VSTM2B: variants seen among roughly 807,000 people sequenced by gnomAD.
VSTM2B encodes the protein V-set and transmembrane domain-containing protein 2B.
In VSTM2B, 24 loss-of-function variants were observed where a neutral mutation model predicts 24.0. The observed-to-expected ratio is 1.00, with a 90% CI of 0.72 to 1.40. The LOEUF (loss-of-function observed/expected upper bound fraction) is 1.40, where lower values mean the gene tolerates loss of function less well. Among genes scored for constraint, VSTM2B ranks in the 40% most tolerant of loss-of-function variants. The pLI is 0.00. For synonymous variants in VSTM2B, 226 were observed against 194.4 expected (o/e 1.16, Z -1.35); for missense variants, 399 against 416.4 (o/e 0.96, Z 0.36).
At chr19:29,527,186 C>T (rs1182164113) in intron 1 of VSTM2B, 25 bp from the exon 2 acceptor site, 5 of 1,516,452 alleles carry the variant, frequency 3.3e-6, no homozygotes, top group Non-Finnish European at 4.5e-6. Flanking sequence ...GCTGGTCACG[C>T]CTCTCTCTCT....
chr19:29,544,112 T>A (rs1169093618), intron 4 of VSTM2B, among the ~76,000 whole-genome samples: 2 of 149,296 alleles, frequency 1.3e-5, no homozygotes, highest in Non-Finnish European at 3.0e-5. Context: ...TGTATATATA[T>A]ACCTATATAT....
intron 4 of VSTM2B, among the ~76,000 whole-genome samples, chr19:29,550,829 G>GA (rs74786680): frequency 0.052 from 7,282 of 140,050 alleles, 286 homozygotes; most frequent in African/African-American, 0.1. Context: ...TCTCAAACCT[G>GA]AAAAAAAAAA....
At chr19:29,539,707 G>T (rs1969979950) in intron 4 of VSTM2B, among the ~76,000 whole-genome samples, 1 of 152,248 alleles carries the variant, frequency 6.6e-6, no homozygotes, top group South Asian at 2.1e-4. Context: ...GGCTCACTGT[G>T]CCCAGAGATT....
At chr19:29,548,693 G>T (rs867361588) in intron 4 of VSTM2B, among the ~76,000 whole-genome samples, 10 of 152,188 alleles carry the variant, frequency 6.6e-5, no homozygotes, top group South Asian at 2.1e-4. Flanking sequence ...TGCTCCCAGG[G>T]TGGGGCAGGC....
chr19:29,525,886 G>C (rs934298489), upstream of VSTM2B: 5 of 149,784 alleles, frequency 3.3e-5, no homozygotes, highest in African/African-American at 1.2e-4. Context: ...GCGGGGGCGG[G>C]GCGGGCTGTG....
rs1464778322 is a variant in VSTM2B, at chr19:29,528,569, C to A, written c.297+107C>A. 6 of 1,361,248 alleles carry A rather than the reference C, an allele frequency of 4.4e-6. No homozygotes were observed. The East Asian group carries it at 1.3e-4, about 28-fold the overall frequency. 84.3% of individuals were successfully genotyped at this position (1,361,248 alleles called of 1,614,324 possible). ...CGGCGGCCGCGCATGTGGGGCCGCG[C>A]AAGTAGGGCAGCGATCGCAGCCTTG... On this transcript the variant is annotated intron_variant, in intron 3 of 4. Transcript: ENST00000335523.
At chr19:29,560,732 C>T (rs1430618433) in intron 4 of VSTM2B, among the ~76,000 whole-genome samples, 1 of 152,140 alleles carries the variant, frequency 6.6e-6, no homozygotes, top group Non-Finnish European at 1.5e-5. Flanking sequence ...AATTTAAAAC[C>T]TTTTAAACAT....
chr19:29,563,112 A>G (rs1970572667), intron 4 of VSTM2B, among the ~76,000 whole-genome samples: 1 of 152,112 alleles, frequency 6.6e-6, no homozygotes, highest in African/African-American at 2.4e-5. Context: ...AGGCAGGGGC[A>G]TGGAGGGGAT....
intron 4 of VSTM2B, among the ~76,000 whole-genome samples, chr19:29,543,571 T>C (rs1970074252): frequency 6.6e-6 from 1 of 152,344 alleles, no homozygotes; most frequent in Non-Finnish European, 1.5e-5. Context: ...ATCCCTGCCC[T>C]TGCATGGCCA....
intron 4 of VSTM2B, among the ~76,000 whole-genome samples, chr19:29,544,320 A>G (rs1332891533): frequency 6.6e-6 from 1 of 151,508 alleles, no homozygotes; most frequent in Admixed American, 6.6e-5. Flanking sequence ...AGGTCAGGAG[A>G]TCGAGACCAT....
chr19:29,536,484 C>T (rs1189650660), intron 4 of VSTM2B, among the ~76,000 whole-genome samples: 2 of 152,244 alleles, frequency 1.3e-5, no homozygotes, highest in Non-Finnish European at 2.9e-5. Flanking sequence ...ATCCTCTCAG[C>T]ATCAGCAAGA....
At position 29,530,243 on chromosome 19, in the gene VSTM2B, C is replaced by T. The variant is rs868007957; in HGVS notation, c.722C>T (p.Ser241Leu). 9.3e-6 allele frequency: 14 copies of T among 1,503,322 alleles called. No individual in the cohort carries two copies. The Middle Eastern group carries it at 2.7e-3, about 285-fold the overall frequency. The allele number at this position is 1,503,322 out of a possible 1,614,324, so 93.1% of individuals were successfully genotyped here. ...VAAAAAASSA[S>L]PPSGQAVLLR... ...GCAGCTGCTGCTGCCTCGTCAGCGT[C>T]GCCGCCATCGGGACAGGCGGTCCTG... The change falls in exon 4 of 5, where the codon TCG (serine) becomes TTG (leucine). Residue 241 changes from serine (S) to leucine (L), a missense_variant. Transcript: ENST00000335523.
At chr19:29,540,764 G>T (rs1051371991) in intron 4 of VSTM2B, among the ~76,000 whole-genome samples, 2 of 152,224 alleles carry the variant, frequency 1.3e-5, no homozygotes, top group Non-Finnish European at 2.9e-5. Flanking sequence ...TCCTGAGAAA[G>T]TGACAGAGGA....
chr19:29,562,472 AG>A (rs1970552946), intron 4 of VSTM2B, among the ~76,000 whole-genome samples: 1 of 152,122 alleles, frequency 6.6e-6, no homozygotes, highest in African/African-American at 2.4e-5. Flanking sequence ...AAATTGACAC[AG>A]GGTAGGGTCT....
chr19:29,554,593 C>T (rs1445720080), intron 4 of VSTM2B, among the ~76,000 whole-genome samples: 1 of 152,150 alleles, frequency 6.6e-6, no homozygotes, highest in Non-Finnish European at 1.5e-5. Flanking sequence ...TGTAAAAGCT[C>T]TAAATGCCCC....
chr19:29,526,547 T>C lies in VSTM2B; in HGVS notation c.-37T>C, dbSNP rs1275498879. On this transcript the variant is annotated 5_prime_UTR_variant, in exon 1 of 5. Transcript: ENST00000335523. The surrounding 1 kb of genome is among the most constrained non-coding windows in gnomAD (Gnocchi z 4.1). ...GCCCACGCGGCCGCCGCCTCTCCGC[T>C]CCCGGGCCCCCGCCGCCACCGCGCC... The C allele has an allele frequency of 3.4e-6, 5 of 1,481,682 alleles. No homozygotes were observed. Among genetic ancestry groups the C allele is most frequent in the Non-Finnish European group, 4.5e-6 (5 of 1,117,570 alleles). 91.8% of individuals were successfully genotyped at this position (1,481,682 alleles called of 1,614,324 possible).
At chr19:29,551,276 C>T (rs1478603792) in intron 4 of VSTM2B, among the ~76,000 whole-genome samples, 1 of 152,232 alleles carries the variant, frequency 6.6e-6, no homozygotes, top group Non-Finnish European at 1.5e-5. Context: ...TTGGGCAGAG[C>T]TTGGGTCAGA....
chr19:29,535,669 G>A (rs1969872969), intron 4 of VSTM2B, among the ~76,000 whole-genome samples: 1 of 152,218 alleles, frequency 6.6e-6, no homozygotes, highest in South Asian at 2.1e-4. Context: ...AAAGGGGGCC[G>A]TGGGCAAGGT....
chr19:29,526,211 G>T lies in VSTM2B; in HGVS notation c.-373G>T, dbSNP rs929541298. Among the ~76,000 whole-genome samples the T allele has an allele frequency of 2.6e-5, 4 of 152,012 alleles. No individual in the cohort carries two copies. Among genetic ancestry groups the T allele is most frequent in the African/African-American group, 9.7e-5 (4 of 41,410 alleles). On this transcript the variant is annotated 5_prime_UTR_variant, in exon 1 of 5. Coordinates refer to ENST00000335523, the MANE Select transcript of VSTM2B (RefSeq NM_001146339.2). The surrounding 1 kb of genome is among the most constrained non-coding windows in gnomAD (Gnocchi z 4.1). ...GCAGAAGCTCGCGGCTCCGTGGCAC[G>T]CACTCCCTCGGCCAGGGATGGGTCC...
Sources: allele counts gnomAD v4.1 joint callset (sites outside exome capture counted in the v4.1 genomes callset), GRCh38; gene constraint gnomAD v4.1.1; non-coding constraint Gnocchi (gnomAD v3.1); transcripts MANE v1.5; gene names NCBI Gene and HGNC (gene_info 2026-07-23, HGNC 2026-07-21).